Variants in HCN1 observed in about 807,000 individuals in gnomAD.
The protein encoded by HCN1 is hyperpolarization activated cyclic nucleotide gated potassium channel 1.
HCN1 carries 13 observed loss-of-function variants against 78.9 expected under a neutral mutation model. That is an observed-to-expected ratio of 0.16 (90% CI 0.11 to 0.26). The LOEUF (loss-of-function observed/expected upper bound fraction) is 0.26, where lower values mean the gene tolerates loss of function less well. Ranked by LOEUF, HCN1 falls within the 10% of genes least tolerant of loss-of-function variation. The pLI is 1.00. For missense variants in HCN1, 810 were observed against 1,154.3 expected (o/e 0.70, Z 4.32); for synonymous variants, 552 against 455.5 (o/e 1.21, Z -2.70).
rs143002941 is a variant in HCN1 at position 45,602,878 on chromosome 5, C to G, written c.849+42307G>C. On this transcript the variant is annotated intron_variant, in intron 2 of 7. Coordinates refer to ENST00000303230, the MANE Select transcript of HCN1 (RefSeq NM_021072.4). ...ATTCTTAATAATCAGTGAAAGTAGA[C>G]GTGTGCTTAAGCTCATTATTTCTAG... 5.6e-3 allele frequency among the ~76,000 whole-genome samples: 855 copies of G among 152,114 alleles called. 26 individuals carry two copies. Among genetic ancestry groups the G allele is most frequent in the Admixed American group, 0.046 (707 of 15,238 alleles).
At chr5:45,375,858 G>C (rs944109045) in intron 4 of HCN1, among the ~76,000 whole-genome samples, 2 of 109,652 alleles carry the variant, frequency 1.8e-5, no homozygotes, top group African/African-American at 3.7e-5. Flanking sequence ...AATATTTTAT[G>C]ATATATCTTA....
chr5:45,584,763 G>A (rs555104860), intron 2 of HCN1, among the ~76,000 whole-genome samples: 1 of 152,146 alleles, frequency 6.6e-6, no homozygotes, highest in Non-Finnish European at 1.5e-5. Context: ...TGTCTGTAAA[G>A]GATTTTATTT....
At chr5:45,389,833 T>C (rs1748003472) in intron 4 of HCN1, among the ~76,000 whole-genome samples, 1 of 152,160 alleles carries the variant, frequency 6.6e-6, no homozygotes, top group Non-Finnish European at 1.5e-5. Context: ...TAGGAATACG[T>C]CGTATCTCAT....
At chr5:45,342,113 GA>G (rs1017843992) in intron 5 of HCN1, among the ~76,000 whole-genome samples, 1 of 152,100 alleles carries the variant, frequency 6.6e-6, no homozygotes, top group African/African-American at 2.4e-5. Flanking sequence ...TCATTGCTTA[GA>G]AAAGGGTCTT....
chr5:45,451,130 A>T (rs78046426), intron 3 of HCN1, among the ~76,000 whole-genome samples: 4,365 of 152,278 alleles, frequency 0.029, 87 homozygotes, highest in Non-Finnish European at 0.044. Flanking sequence ...TGATCGAGAA[A>T]TACATTCAAA....
chr5:45,279,719 T>C (rs1745124040), intron 6 of HCN1, among the ~76,000 whole-genome samples: 1 of 152,118 alleles, frequency 6.6e-6, no homozygotes, highest in Non-Finnish European at 1.5e-5. Flanking sequence ...CACCTAATTA[T>C]TTTGAGAAAA....
intron 3 of HCN1, among the ~76,000 whole-genome samples, chr5:45,401,161 A>T (rs1263609427): frequency 1.3e-5 from 2 of 152,156 alleles, no homozygotes; most frequent in Non-Finnish European, 2.9e-5. Context: ...TTTGATTTTA[A>T]AATATATTGC....
chr5:45,440,674 C>T (rs1344732773), intron 3 of HCN1, among the ~76,000 whole-genome samples: 1 of 152,208 alleles, frequency 6.6e-6, no homozygotes, highest in Non-Finnish European at 1.5e-5. Flanking sequence ...TCACTGCCAA[C>T]TGCTGTGTTG....
chr5:45,422,394 G>C (rs778600927), intron 3 of HCN1, among the ~76,000 whole-genome samples: 2 of 152,050 alleles, frequency 1.3e-5, no homozygotes, highest in South Asian at 2.1e-4. Flanking sequence ...TGTCAGCTAC[G>C]AATCTTGCCG....
chr5:45,640,062 T>A (rs1021449686), intron 2 of HCN1, among the ~76,000 whole-genome samples: 1 of 152,190 alleles, frequency 6.6e-6, no homozygotes, highest in Non-Finnish European at 1.5e-5. Flanking sequence ...CAGTTCAGTA[T>A]GTTTCAAGGC....
intron 1 of HCN1, among the ~76,000 whole-genome samples, chr5:45,664,602 G>C (rs1469391746): frequency 6.6e-6 from 1 of 151,268 alleles, no homozygotes; most frequent in Non-Finnish European, 1.5e-5. Flanking sequence ...AAATTTATGA[G>C]AAAAAAACAA....
At chr5:45,460,166 A>G (rs1241551142) in intron 3 of HCN1, among the ~76,000 whole-genome samples, 8 of 152,186 alleles carry the variant, frequency 5.3e-5, no homozygotes, top group Non-Finnish European at 1.5e-5. Context: ...AGCTTAATCC[A>G]TATTACAACA....
At chr5:45,683,462 C>T (rs1048377051) in intron 1 of HCN1, among the ~76,000 whole-genome samples, 1 of 152,030 alleles carries the variant, frequency 6.6e-6, no homozygotes, top group African/African-American at 2.4e-5. Context: ...ATTTAGGTTC[C>T]TTTCACCCAA....
intron 3 of HCN1, among the ~76,000 whole-genome samples, chr5:45,451,672 T>A (rs947620578): frequency 1.2e-4 from 18 of 151,836 alleles, no homozygotes; most frequent in African/African-American, 3.6e-4. Context: ...AATCTTTTTT[T>A]TAAAAAAGTG....
chr5:45,587,660 G>A (rs62369112), intron 2 of HCN1, among the ~76,000 whole-genome samples: 14,132 of 151,962 alleles, frequency 0.093, 868 homozygotes, highest in East Asian at 0.26. Flanking sequence ...TAACAAACCT[G>A]CACGTTGTGT....
rs187687771 is a variant in HCN1 at position 45,356,231 on chromosome 5, T to C, written c.1231-2985A>G. On this transcript the variant is annotated intron_variant, in intron 4 of 7. Coordinates refer to ENST00000303230, the MANE Select transcript of HCN1 (RefSeq NM_021072.4). ...AGTATATTTAGTAGTCACAGACAAA[T>C]AGATTTTTGAAAAGCAAGGATGCCA... Among the ~76,000 whole-genome samples the C allele has an allele frequency of 3.9e-5, 6 of 152,048 alleles. 1 individual carries two copies.
rs542133168 is a variant in HCN1 at position 45,497,480 on chromosome 5, C to T, written c.850-35473G>A. On this transcript the variant is annotated intron_variant, in intron 2 of 7. Coordinates refer to ENST00000303230, the MANE Select transcript of HCN1 (RefSeq NM_021072.4). ...AATGGCCTTCTTTGTCTCTTTTGAT[C>T]TTTGTTGGTTTAAAGTCTGTTTTAT... Among the ~76,000 whole-genome samples, 501 of 152,180 alleles carry T rather than the reference C, an allele frequency of 3.3e-3. 2 individuals are homozygous for T. The highest frequency in any genetic ancestry group is 5.7e-3 in the Non-Finnish European group (385 of 68,022).
intron 2 of HCN1, among the ~76,000 whole-genome samples, chr5:45,597,729 C>T (rs1376503889): frequency 1.3e-5 from 2 of 152,138 alleles, no homozygotes; most frequent in Non-Finnish European, 2.9e-5. Context: ...AGTCTCAGGA[C>T]ACAAAATCAG....
rs538910586 is a variant in HCN1, at chr5:45,567,886, C to T, written c.849+77299G>A. On this transcript the variant is annotated intron_variant, in intron 2 of 7. Transcript: ENST00000303230. Reference sequence around the variant, plus strand: ...CTTTTGCTTGTAAAATGCATAACACCTCTATCTTACTTTCATATGTGAAGT... The same window carrying T: ...CTTTTGCTTGTAAAATGCATAACACTTCTATCTTACTTTCATATGTGAAGT... 3.5e-5 allele frequency among the ~76,000 whole-genome samples: 5 copies of T among 141,484 alleles called. No homozygotes were observed. In the South Asian group the frequency reaches 9.4e-4, roughly 27 times the overall value. The allele number at this position is 141,484 out of a possible 152,430, so 92.8% of individuals were successfully genotyped here.
Sources: gnomAD v4.1 joint callset for allele counts (sites outside exome capture counted in the v4.1 genomes callset) on GRCh38, gnomAD v4.1.1 for gene constraint, MANE v1.5 for transcripts, NCBI Gene and HGNC (gene_info 2026-07-23, HGNC 2026-07-21) for gene names.